CDH13: variants seen among roughly 807,000 people sequenced by gnomAD.
The protein encoded by CDH13 is cadherin 13.
Under a neutral mutation model 63.8 loss-of-function variants are expected in CDH13, and 24 were observed. That is an observed-to-expected ratio of 0.38 (90% CI 0.27 to 0.53). The LOEUF (loss-of-function observed/expected upper bound fraction) is 0.53, where lower values mean the gene tolerates loss of function less well. Among genes scored for constraint, CDH13 ranks in the 20% least tolerant of loss-of-function variants. The pLI is 0.85. For missense variants in CDH13, 1,049 were observed against 903.1 expected, an observed-to-expected ratio of 1.16 and a Z score of -2.07; for synonymous variants, 503 against 355.3, an observed-to-expected ratio of 1.42 and a Z score of -4.67.
intron 8 of CDH13, among the ~76,000 whole-genome samples, chr16:83,650,892 G>A (rs1912310773): frequency 1.3e-5 from 2 of 151,930 alleles, no homozygotes; most frequent in Non-Finnish European, 2.9e-5. Context: ...GGGCAACATA[G>A]TGAGACCCTG....
intron 2 of CDH13, among the ~76,000 whole-genome samples, chr16:82,950,590 T>C (rs1905192163): frequency 6.6e-6 from 1 of 152,154 alleles, no homozygotes; most frequent in Admixed American, 6.5e-5. Flanking sequence ...CTTTCGCCTT[T>C]CACCATGATT....
chr16:83,104,348 C>T (rs952287007), intron 3 of CDH13, among the ~76,000 whole-genome samples: 2 of 152,020 alleles, frequency 1.3e-5, no homozygotes, highest in Non-Finnish European at 2.9e-5. Context: ...TTAATGTAAA[C>T]TGCATGGTGT....
At chr16:83,142,365 T>C (rs112879987) in intron 4 of CDH13, among the ~76,000 whole-genome samples, 24,787 of 151,970 alleles carry the variant, frequency 0.16, 2,164 homozygotes, top group South Asian at 0.24. Flanking sequence ...TTTTGCCATG[T>C]TGGCCAGGCT....
At chr16:83,692,599 T>C (rs1027834735) in intron 10 of CDH13, among the ~76,000 whole-genome samples, 4 of 152,232 alleles carry the variant, frequency 2.6e-5, no homozygotes, top group Non-Finnish European at 5.9e-5. Flanking sequence ...ATAAACTTCC[T>C]TATTTTGCCA....
At chr16:82,861,021 G>A (rs994825259) in intron 2 of CDH13, among the ~76,000 whole-genome samples, 7 of 152,154 alleles carry the variant, frequency 4.6e-5, no homozygotes, top group Admixed American at 4.6e-4. Flanking sequence ...ACCAATGAGT[G>A]AAGTGTGCTA....
intron 3 of CDH13, among the ~76,000 whole-genome samples, chr16:83,037,235 T>C (rs568362986): frequency 6.6e-6 from 1 of 152,342 alleles, no homozygotes; most frequent in East Asian, 1.9e-4. Context: ...TTTCTAATTC[T>C]CACAACCTCC....
chr16:83,757,124 C>T (rs760189720), intron 11 of CDH13, among the ~76,000 whole-genome samples: 5 of 152,150 alleles, frequency 3.3e-5, no homozygotes, highest in Non-Finnish European at 5.9e-5. Flanking sequence ...AAAATATAAC[C>T]AGAAACACCC....
intron 10 of CDH13, among the ~76,000 whole-genome samples, chr16:83,727,024 G>T (rs941333002): frequency 5.9e-5 from 9 of 152,100 alleles, no homozygotes; most frequent in Non-Finnish European, 1.3e-4. Context: ...TGATTTATGA[G>T]ATATAATTCA....
chr16:83,438,796 G>A (rs1439912087), intron 6 of CDH13, among the ~76,000 whole-genome samples: 2 of 152,198 alleles, frequency 1.3e-5, no homozygotes, highest in African/African-American at 4.8e-5. Flanking sequence ...TTGTACGTTT[G>A]AGACTGTGCC....
intron 5 of CDH13, among the ~76,000 whole-genome samples, chr16:83,295,460 A>G (rs955001918): frequency 6.6e-6 from 1 of 152,160 alleles, no homozygotes; most frequent in Non-Finnish European, 1.5e-5. Context: ...AAATATTTGC[A>G]AACTGTACAT....
intron 4 of CDH13, among the ~76,000 whole-genome samples, chr16:83,210,734 C>T (rs1597522188): frequency 1.3e-5 from 2 of 151,426 alleles, no homozygotes; most frequent in Admixed American, 6.6e-5. Context: ...AAAGAGTAAC[C>T]GATTAAAGTG....
intron 4 of CDH13, among the ~76,000 whole-genome samples, chr16:83,171,883 A>G (rs1033388750): frequency 6.6e-6 from 1 of 152,140 alleles, no homozygotes; most frequent in Non-Finnish European, 1.5e-5. Context: ...AATGCTATCA[A>G]CTTTCTCAAA....
chr16:82,710,574 T>A (rs1194066002), intron 1 of CDH13, among the ~76,000 whole-genome samples: 50 of 122,014 alleles, frequency 4.1e-4, no homozygotes, highest in Non-Finnish European at 6.9e-4. Flanking sequence ...TATATATATA[T>A]ATAAATATAT....
chr16:83,673,352 C>A (rs528426060), intron 9 of CDH13, among the ~76,000 whole-genome samples: 2 of 152,182 alleles, frequency 1.3e-5, no homozygotes, highest in African/African-American at 2.4e-5. Flanking sequence ...ATCTACCAAT[C>A]TCCGAGAAAT....
At chr16:82,643,929 A>AG (rs1287537353) in intron 1 of CDH13, among the ~76,000 whole-genome samples, 1 of 151,032 alleles carries the variant, frequency 6.6e-6, no homozygotes, top group South Asian at 2.1e-4. Context: ...AAAAAAAAAA[A>AG]CTTTAAGACA....
intron 3 of CDH13, among the ~76,000 whole-genome samples, chr16:83,082,565 C>T (rs1223563607): frequency 6.6e-6 from 1 of 152,020 alleles, no homozygotes; most frequent in Non-Finnish European, 1.5e-5. Context: ...TGACTGAACC[C>T]GGGAGGCAGA....
At chr16:83,561,810 C>T (rs146035923) in intron 7 of CDH13, among the ~76,000 whole-genome samples, 1 of 152,096 alleles carries the variant, frequency 6.6e-6, no homozygotes, top group African/African-American at 2.4e-5. Flanking sequence ...AACATTGTTC[C>T]ACAGCTGAGT....
intron 7 of CDH13, among the ~76,000 whole-genome samples, chr16:83,539,034 G>A (rs1419544504): frequency 6.6e-6 from 1 of 151,846 alleles, no homozygotes; most frequent in Non-Finnish European, 1.5e-5. Flanking sequence ...AATCTTTGAG[G>A]GAGTCATCTG....
At chr16:83,282,121 C>T (rs963161645) in intron 5 of CDH13, among the ~76,000 whole-genome samples, 10 of 152,098 alleles carry the variant, frequency 6.6e-5, no homozygotes, top group African/African-American at 2.2e-4. Context: ...CTCATTGCAG[C>T]AGTCAGAGCA....
Sources: gnomAD v4.1 joint callset for allele counts (sites outside exome capture counted in the v4.1 genomes callset) on GRCh38, gnomAD v4.1.1 for gene constraint, MANE v1.5 for transcripts, NCBI Gene and HGNC (gene_info 2026-07-23, HGNC 2026-07-21) for gene names.